RBPJ: variants seen among roughly 807,000 people sequenced by gnomAD.
RBPJ encodes the protein recombination signal binding protein for immunoglobulin kappa J region, also known as recombining binding protein suppressor of hairless.
A neutral mutation model predicts 67.8 loss-of-function variants in RBPJ; 9 were observed. The ratio of observed to expected loss-of-function variants is 0.13; its 90% confidence interval spans 0.08 to 0.23. The LOEUF is 0.23. RBPJ is among the 10% of genes least tolerant of loss of function. The probability of loss-of-function intolerance (pLI) is 1.00; values close to 1 mark genes in which losing one functional copy is unlikely to be tolerated. For synonymous variants in RBPJ, 198 were observed against 203.3 expected (o/e 0.97, Z 0.22); for missense variants, 305 against 595.6 (o/e 0.51, Z 5.08).
intron 1 of RBPJ, among the ~76,000 whole-genome samples, chr4:26,270,397 G>GA (rs1182213427): frequency 1.6e-5 from 1 of 61,154 alleles, no homozygotes; most frequent in African/African-American, 5.0e-5. Context: ...AAGAAAGAAA[G>GA]AAAGAAAGAA....
intron 5 of RBPJ, among the ~76,000 whole-genome samples, chr4:26,422,396 A>G (rs1007400305): frequency 2.0e-4 from 31 of 152,180 alleles, no homozygotes; most frequent in African/African-American, 6.8e-4. Context: ...TAACTTCTGC[A>G]TTCGTTAGCT....
intron 2 of RBPJ, among the ~76,000 whole-genome samples, chr4:26,396,791 A>T (rs1732163881): frequency 6.6e-6 from 1 of 152,204 alleles, no homozygotes; most frequent in African/African-American, 2.4e-5. Flanking sequence ...GGACATTTTT[A>T]CTTCTGCTAT....
At chr4:26,121,640 C>T in the RBPJ span, among the ~76,000 whole-genome samples, 117 of 152,078 alleles carry the variant, frequency 7.7e-4, no homozygotes, top group African/African-American at 2.3e-3. Flanking sequence ...TTCAACCAGA[C>T]GTAATTACTC....
At chr4:26,328,913 G>A (rs1004385437) in intron 1 of RBPJ, among the ~76,000 whole-genome samples, 1 of 152,204 alleles carries the variant, frequency 6.6e-6, no homozygotes, top group Non-Finnish European at 1.5e-5. Flanking sequence ...GTCTCCCAAT[G>A]TGGTGTGATT....
In RBPJ at chr4:26,424,306, C is replaced by G. The variant is rs1735422088; in HGVS notation, c.497-36C>G. The G allele has an allele frequency of 1.9e-6, 3 of 1,606,180 alleles. No homozygotes were observed. The highest frequency in any genetic ancestry group is 2.1e-4 in the Middle Eastern group (1 of 4,746). On this transcript the variant is annotated intron_variant, in intron 5 of 10. Coordinates refer to ENST00000355476, the MANE Select transcript of RBPJ (RefSeq NM_015874.6). This position sits in a 1 kb window ranked among gnomAD's most constrained non-coding sequence, Gnocchi z 5.3. ...TTTTGCTCCCTCCCCACCTTCTGCT[C>G]CAATCACATAAATAAGAGCTGTTTT...
chr4:26,306,447 T>G (rs1428021972), intron 1 of RBPJ, among the ~76,000 whole-genome samples: 4 of 150,168 alleles, frequency 2.7e-5, no homozygotes, highest in African/African-American at 4.9e-5. Flanking sequence ...GAATTATTAT[T>G]ATTATTATTA....
At chr4:26,224,432 G>A (rs996910434) in intron 1 of RBPJ, among the ~76,000 whole-genome samples, 19 of 152,168 alleles carry the variant, frequency 1.2e-4, no homozygotes, top group South Asian at 6.2e-4. Flanking sequence ...GACAGGTATC[G>A]GGGGAACCAG....
upstream of RBPJ, among the ~76,000 whole-genome samples, chr4:26,161,447 G>T (rs1020387007): frequency 6.6e-6 from 1 of 152,196 alleles, no homozygotes; most frequent in South Asian, 2.1e-4. Flanking sequence ...TGAAAGACTA[G>T]GGCACTGTGA....
At chr4:26,356,448 AT>A (rs1342562787) in intron 1 of RBPJ, among the ~76,000 whole-genome samples, 3 of 152,192 alleles carry the variant, frequency 2.0e-5, no homozygotes, top group African/African-American at 7.2e-5. Context: ...CCCATTTGAA[AT>A]GTTGCACAAA....
At chr4:26,236,983 T>C (rs1719473075) in intron 1 of RBPJ, among the ~76,000 whole-genome samples, 3 of 152,120 alleles carry the variant, frequency 2.0e-5, no homozygotes, top group Admixed American at 2.0e-4. Flanking sequence ...TGAGCCCACA[T>C]TAGAACCCAG....
chr4:26,216,268 G>T (rs112570334), intron 1 of RBPJ, among the ~76,000 whole-genome samples: 2,120 of 152,094 alleles, frequency 0.014, 58 homozygotes, highest in African/African-American at 0.049. Context: ...TGCAAATAAG[G>T]TCACATTCCC....
chr4:26,347,626 T>C (rs1314017516), intron 1 of RBPJ, among the ~76,000 whole-genome samples: 1 of 152,290 alleles, frequency 6.6e-6, no homozygotes, highest in East Asian at 1.9e-4. Flanking sequence ...TATGCAACTC[T>C]TTTAAGAGCA....
At chr4:26,260,695 T>G (rs2109249875) in intron 1 of RBPJ, among the ~76,000 whole-genome samples, 1 of 152,322 alleles carries the variant, frequency 6.6e-6, no homozygotes, top group East Asian at 1.9e-4. Context: ...GAAGTACTTG[T>G]CATTAAAATG....
At chr4:26,278,815 A>G (rs1721162522) in intron 1 of RBPJ, among the ~76,000 whole-genome samples, 1 of 152,204 alleles carries the variant, frequency 6.6e-6, no homozygotes, top group Non-Finnish European at 1.5e-5. Context: ...TGAAGTAACA[A>G]TGATTAGTCC....
intron 1 of RBPJ, among the ~76,000 whole-genome samples, chr4:26,326,508 T>C (rs1318456337): frequency 6.6e-6 from 1 of 152,180 alleles, no homozygotes; most frequent in East Asian, 1.9e-4. Context: ...CACTGTAGAC[T>C]GCTTTTTGGG....
chr4:26,429,932 T>C lies in RBPJ; in HGVS notation c.923T>C (p.Met308Thr), dbSNP rs764531514. 6.2e-7 allele frequency: 1 copy of C among 1,613,552 alleles called. No homozygotes were observed. The highest frequency in any genetic ancestry group is 8.5e-7 in the Non-Finnish European group (1 of 1,179,942). The change falls in exon 9 of 11, where the codon ATG becomes ACG. Residue 308 changes from methionine to threonine, a missense_variant. This residue lies in a region of RBPJ where 66 missense variants were observed against 226.0 expected (regional missense o/e 0.29). Coordinates refer to ENST00000355476, the MANE Select transcript of RBPJ (RefSeq NM_015874.6). ...TGTCCAAAAGAACCAAATAAAGAGA[T>C]GATAAATGATGGCGCTTCCTGGACA... is the stretch of plus-strand genomic sequence containing the variant. ...TPCPKEPNKE[M>T]INDGASWTII...
At chr4:26,427,934 A>C (rs1735842005) in intron 7 of RBPJ, among the ~76,000 whole-genome samples, 1 of 152,206 alleles carries the variant, frequency 6.6e-6, no homozygotes, top group African/African-American at 2.4e-5. Flanking sequence ...TCTAGGTGTC[A>C]AGTGTCATAT....
rs552218124 is a variant in RBPJ, at chr4:26,257,971, C to T, written c.-167+94357C>T. On this transcript the variant is annotated intron_variant, in intron 1 of 4. Transcript: ENST00000512351. ...GTGTGTGTTTCTGCACATGGTGGCT[C>T]GGTATGAGAACATAATCTGTAAATT... Among the ~76,000 whole-genome samples, 9 of 152,162 alleles carry T rather than the reference C, an allele frequency of 5.9e-5. No individual in the cohort carries two copies. The East Asian group carries it at 9.6e-4, about 16-fold the overall frequency.
chr4:26,288,503 G>A (rs1475199185), intron 1 of RBPJ, among the ~76,000 whole-genome samples: 2 of 152,142 alleles, frequency 1.3e-5, no homozygotes, highest in Admixed American at 6.5e-5. Flanking sequence ...TTATTCTCAC[G>A]GGTTGCACAT....
Sources: allele counts gnomAD v4.1 joint callset (sites outside exome capture counted in the v4.1 genomes callset), GRCh38; gene constraint gnomAD v4.1.1; regional missense constraint gnomAD v4.1.1; non-coding constraint Gnocchi (gnomAD v3.1); transcripts MANE v1.5; gene names NCBI Gene and HGNC (gene_info 2026-07-23, HGNC 2026-07-21).